The following ARRB1 variants were observed in gnomAD, a reference collection of about 807,000 sequenced individuals.
ARRB1 encodes beta-arrestin-1.
A neutral mutation model predicts 56.8 loss-of-function variants in ARRB1; 21 were observed. The observed-to-expected ratio is 0.37, with a 90% CI of 0.26 to 0.53. The LOEUF (loss-of-function observed/expected upper bound fraction) is 0.53, where lower values mean the gene tolerates loss of function less well. Ranked by LOEUF, ARRB1 falls within the 20% of genes least tolerant of loss-of-function variation. The pLI is 0.88. For missense variants in ARRB1, 424 were observed against 553.7 expected (o/e 0.77, Z 2.35); for synonymous variants, 210 against 218.6 (o/e 0.96, Z 0.35).
At position 75,281,146 on chromosome 11, in the gene ARRB1, T is replaced by G. The variant is rs773632331; in HGVS notation, c.415-4A>C. Reference sequence around the variant, plus strand: ...CTTCATAGTCCACACCGCAAGCCTGTGGGGAAGGGGTCACTGACCACAGGG... The same window carrying G: ...CTTCATAGTCCACACCGCAAGCCTGGGGGGAAGGGGTCACTGACCACAGGG... On this transcript the variant is annotated splice_polypyrimidine_tract_variant and splice_region_variant and intron_variant, in intron 6 of 15. Transcript: ENST00000420843. 3.5e-5 allele frequency: 55 copies of G among 1,593,066 alleles called. No individual in the cohort carries two copies. The highest frequency in any genetic ancestry group is 4.6e-5 in the Non-Finnish European group (54 of 1,168,966).
rs34505166 is a variant in ARRB1, at chr11:75,272,993, AG to A, written c.915-16del. ...CTTCCCTCAACCTGCAAAGTGACAC[AG>A]GGGAGCCAGTTCAGGGGCCTTGCCA... is the stretch of plus-strand genomic sequence containing the variant. On this transcript the variant is annotated splice_polypyrimidine_tract_variant and intron_variant, in intron 11 of 15. Transcript: ENST00000420843. The A allele has an allele frequency of 6.2e-7, 1 of 1,613,252 alleles. No individual in the cohort carries two copies. The highest frequency in any genetic ancestry group is 8.5e-7 in the Non-Finnish European group (1 of 1,179,372).
intron 1 of ARRB1, among the ~76,000 whole-genome samples, chr11:75,341,933 C>A (rs2134994979): frequency 6.6e-6 from 1 of 152,320 alleles, no homozygotes; most frequent in Middle Eastern, 3.4e-3. Context: ...CTGCCAGAGG[C>A]CAAGCTGTCC....
intron 12 of ARRB1, among the ~76,000 whole-genome samples, chr11:75,272,177 A>G (rs1018020091): frequency 2.0e-5 from 3 of 152,254 alleles, no homozygotes; most frequent in African/African-American, 7.2e-5. Flanking sequence ...GCCACCTGCC[A>G]AGAGGCATTC....
rs1946391262 is a variant in ARRB1 at position 75,283,319 on chromosome 11, G to A, written c.322C>T (p.Leu108=). ...TRLQERLIKK[L]GEHAYPFTFE... ...GTGAAAGGGTAAGCGTGCTCGCCCAGCTTCTTGATGAGGCGTTCCTGCAGC... is the reference window on the plus strand; with the variant it reads ...GTGAAAGGGTAAGCGTGCTCGCCCAACTTCTTGATGAGGCGTTCCTGCAGC... Residue 108 remains leucine (L), a synonymous_variant, in exon 5 of 16, where the codon CTG becomes TTG. Transcript: ENST00000420843. The A allele has an allele frequency of 1.9e-6, 3 of 1,613,184 alleles. No homozygotes were observed. Among genetic ancestry groups the A allele is most frequent in the Non-Finnish European group, 2.5e-6 (3 of 1,179,558 alleles).
At chr11:75,267,781 A>T in intron 14 of ARRB1, 78 bp from the exon 15 acceptor site, 2 of 1,255,462 alleles carry the variant, frequency 1.6e-6, no homozygotes, top group Non-Finnish European at 2.3e-6. Context: ...ACAGGCCCCC[A>T]CCCTGGGACA....
At chr11:75,351,122 G>A (rs1947843333) in intron 1 of ARRB1, among the ~76,000 whole-genome samples, 1 of 152,218 alleles carries the variant, frequency 6.6e-6, no homozygotes, top group African/African-American at 2.4e-5. Flanking sequence ...GCTAGAATTG[G>A]TGTGTGTTGG....
At chr11:75,313,475 G>A (rs939582973) in intron 1 of ARRB1, among the ~76,000 whole-genome samples, 6 of 152,228 alleles carry the variant, frequency 3.9e-5, no homozygotes, top group East Asian at 1.9e-4. Context: ...AGGAGGCAGC[G>A]GTCTGCCACT....
At chr11:75,289,927 A>C in intron 2 of ARRB1, 82 bp downstream of exon 2, 2 of 1,598,970 alleles carry the variant, frequency 1.3e-6, no homozygotes, top group Non-Finnish European at 1.7e-6. Context: ...TTCAGGGGAC[A>C]TGCCGTTTCC....
At position 75,332,507 on chromosome 11, in the gene ARRB1, C is replaced by T. The variant is rs369151745; in HGVS notation, c.20+19081G>A. ...CATTAGACTTCAAAAGAACTTTCGT[C>T]TCCACAATCTTTTATCTTAACCTGA... On this transcript the variant is annotated intron_variant, in intron 1 of 15. Coordinates refer to ENST00000420843, the MANE Select transcript of ARRB1 (RefSeq NM_004041.5). Among the ~76,000 whole-genome samples, 22 of 152,352 alleles carry T rather than the reference C, an allele frequency of 1.4e-4. 2 individuals are homozygous for T. Among genetic ancestry groups the T allele is most frequent in the African/African-American group, 5.1e-4 (21 of 41,582 alleles).
intron 4 of ARRB1, among the ~76,000 whole-genome samples, 174 bp downstream of exon 4, chr11:75,284,061 A>G (rs1480478374): frequency 6.6e-6 from 1 of 152,190 alleles, no homozygotes; most frequent in African/African-American, 2.4e-5. Flanking sequence ...ACCTTCTCCC[A>G]AAGTAAGCTT....
chr11:75,273,046 T>G lies in ARRB1; in HGVS notation c.915-68A>C. On this transcript the variant is annotated intron_variant, in intron 11 of 15. Coordinates refer to ENST00000420843, the MANE Select transcript of ARRB1 (RefSeq NM_004041.5). ...GTGGGCGAGACACCTCAGGGGTGGG[T>G]ATGCTGGGGGGCAGTGGCCGTCCAT... 2.1e-6 allele frequency: 3 copies of G among 1,401,976 alleles called. No homozygotes were observed. The South Asian group carries it at 3.5e-5, about 17-fold the overall frequency. 86.8% of individuals were successfully genotyped at this position (1,401,976 alleles called of 1,614,324 possible). A position where few individuals can be genotyped will look rare whatever the true frequency, so the allele number is the denominator to read the frequency against.
chr11:75,269,201 T>A (rs1300334611), intron 13 of ARRB1: 2 of 724,162 alleles, frequency 2.8e-6, no homozygotes, highest in Admixed American at 3.5e-5. Flanking sequence ...GAAGGCTCTC[T>A]GGGTTCCCAC....
intron 1 of ARRB1, among the ~76,000 whole-genome samples, chr11:75,302,672 G>A (rs930456800): frequency 1.3e-5 from 2 of 152,162 alleles, no homozygotes; most frequent in African/African-American, 2.4e-5. Context: ...AGCTTCCTTC[G>A]CCTAGAGAAT....
intron 1 of ARRB1, among the ~76,000 whole-genome samples, chr11:75,351,069 C>A (rs560884460): frequency 6.6e-6 from 1 of 152,050 alleles, no homozygotes. Context: ...TGACAGTGTG[C>A]GTATCAGTGT....
At chr11:75,279,539 G>A (rs920010661) in intron 7 of ARRB1, among the ~76,000 whole-genome samples, 1 of 152,208 alleles carries the variant, frequency 6.6e-6, no homozygotes, top group South Asian at 2.1e-4. Flanking sequence ...GGGAGCCAGG[G>A]TCAAACTCCC....
intron 1 of ARRB1, among the ~76,000 whole-genome samples, chr11:75,350,328 A>G (rs1591999374): frequency 6.6e-6 from 1 of 152,334 alleles, no homozygotes; most frequent in Admixed American, 6.5e-5. Context: ...CCTAGTATAC[A>G]GCAAGAGCTT....
At chr11:75,276,719 T>C in intron 10 of ARRB1, 120 bp downstream of exon 10, 1 of 908,342 alleles carries the variant, frequency 1.1e-6, no homozygotes, top group Non-Finnish European at 1.7e-6. Context: ...GGCAAGGAAG[T>C]CTGAGGCCCA....
At chr11:75,275,968 G>T (rs1946192865) in intron 10 of ARRB1, among the ~76,000 whole-genome samples, 1 of 152,116 alleles carries the variant, frequency 6.6e-6, no homozygotes, top group African/African-American at 2.4e-5. Flanking sequence ...ATGCCTCATA[G>T]CTCTGATTTT....
chr11:75,350,654 C>T (rs1026562569), intron 1 of ARRB1, among the ~76,000 whole-genome samples: 1 of 152,280 alleles, frequency 6.6e-6, no homozygotes, highest in African/African-American at 2.4e-5. Context: ...TCTAGGAGAA[C>T]GGGAGGGGTT....
Sources: allele counts gnomAD v4.1 joint callset (sites outside exome capture counted in the v4.1 genomes callset), GRCh38; gene constraint gnomAD v4.1.1; transcripts MANE v1.5; gene names NCBI Gene and HGNC (gene_info 2026-07-23, HGNC 2026-07-21).